Variants in SOX6 observed in about 807,000 individuals in gnomAD.
The protein encoded by SOX6 is SRY-box transcription factor 6.
SOX6 carries 11 observed loss-of-function variants against 97.8 expected under a neutral mutation model. The ratio of observed to expected loss-of-function variants is 0.11; its 90% CI spans 0.07 to 0.19. The LOEUF (loss-of-function observed/expected upper bound fraction) is 0.19. Ranked by LOEUF, SOX6 falls within the 10% of genes least tolerant of loss-of-function variation. The pLI is 1.00. For missense variants in SOX6, 810 were observed against 1,039.5 expected (o/e 0.78, Z 3.04); for synonymous variants, 360 against 371.4 (o/e 0.97, Z 0.35).
At chr11:16,342,331 T>C (rs1287544176) in intron 1 of SOX6, among the ~76,000 whole-genome samples, 1 of 151,982 alleles carries the variant, frequency 6.6e-6, no homozygotes, top group African/African-American at 2.4e-5. Flanking sequence ...TTACATTGTT[T>C]TTAGTTTATT....
chr11:16,067,348 T>G (rs1397413090), intron 9 of SOX6, among the ~76,000 whole-genome samples: 1 of 152,164 alleles, frequency 6.6e-6, no homozygotes, highest in East Asian at 1.9e-4. Flanking sequence ...TGAGAGGTAA[T>G]TGAAACATGG....
intron 13 of SOX6, among the ~76,000 whole-genome samples, chr11:16,011,048 T>G (rs1050617408): frequency 6.6e-6 from 1 of 152,028 alleles, no homozygotes; most frequent in Non-Finnish European, 1.5e-5. Context: ...GAACTTCAAC[T>G]CAAATCTCCC....
chr11:16,732,340 T>C (rs1848356628), intron 2 of SOX6, among the ~76,000 whole-genome samples: 1 of 152,164 alleles, frequency 6.6e-6, no homozygotes, highest in South Asian at 2.1e-4. Context: ...CAAACTAAGC[T>C]ACAAGGCTAC....
chr11:16,731,018 G>C (rs1848345351), intron 2 of SOX6, among the ~76,000 whole-genome samples: 1 of 152,024 alleles, frequency 6.6e-6, no homozygotes, highest in African/African-American at 2.4e-5. Flanking sequence ...TAAATTCCTG[G>C]ACAGCTACAT....
At chr11:16,594,938 C>A (rs1348688493) in intron 4 of SOX6, among the ~76,000 whole-genome samples, 1 of 151,942 alleles carries the variant, frequency 6.6e-6, no homozygotes, top group East Asian at 1.9e-4. Flanking sequence ...TGATCCGCCC[C>A]CCTCGGCCTC....
chr11:16,372,629 C>T (rs916828878), intron 1 of SOX6, among the ~76,000 whole-genome samples: 3 of 151,968 alleles, frequency 2.0e-5, no homozygotes, highest in South Asian at 2.1e-4. Flanking sequence ...ATACAGTTAA[C>T]GACTGGTCAC....
intron 3 of SOX6, among the ~76,000 whole-genome samples, chr11:16,667,436 C>A (rs1171785097): frequency 6.6e-6 from 1 of 150,544 alleles, no homozygotes; most frequent in Non-Finnish European, 1.5e-5. Context: ...CAACAAGAGA[C>A]AAGAAACAAG....
intron 2 of SOX6, among the ~76,000 whole-genome samples, chr11:16,725,028 T>C (rs537917826): frequency 4.6e-5 from 7 of 152,238 alleles, no homozygotes; most frequent in South Asian, 4.1e-4. Flanking sequence ...CCCACAAGAA[T>C]TGGAAACAAA....
chr11:16,144,389 A>G (rs969298505), intron 6 of SOX6, among the ~76,000 whole-genome samples: 1 of 152,246 alleles, frequency 6.6e-6, no homozygotes, highest in African/African-American at 2.4e-5. Flanking sequence ...AATGCCCACA[A>G]GAGAAAGCAG....
At chr11:16,235,955 T>A (rs1177319814) in intron 3 of SOX6, among the ~76,000 whole-genome samples, 59 of 152,060 alleles carry the variant, frequency 3.9e-4, no homozygotes. Context: ...TCCAGATCAG[T>A]GTGTTGTAAA....
At chr11:16,692,528 T>C (rs1848023717) in intron 3 of SOX6, among the ~76,000 whole-genome samples, 1 of 152,170 alleles carries the variant, frequency 6.6e-6, no homozygotes. Flanking sequence ...AGGTCCCATA[T>C]CCAAACTTAC....
intron 6 of SOX6, among the ~76,000 whole-genome samples, chr11:16,162,539 C>T (rs147903745): frequency 2.5e-3 from 379 of 152,230 alleles, no homozygotes; most frequent in Admixed American, 4.5e-3. Flanking sequence ...TGTGGCATCT[C>T]CCCCTCACAC....
chr11:16,684,236 T>A (rs1157289556), intron 3 of SOX6, among the ~76,000 whole-genome samples: 1 of 152,192 alleles, frequency 6.6e-6, no homozygotes, highest in African/African-American at 2.4e-5. Context: ...ACTGGGTATA[T>A]ACCCAAAGGA....
At chr11:16,494,145 G>A (rs1333940061) in intron 4 of SOX6, among the ~76,000 whole-genome samples, 1 of 152,156 alleles carries the variant, frequency 6.6e-6, no homozygotes, top group Admixed American at 6.5e-5. Context: ...GGAGGCCGAG[G>A]TGGGCAGATC....
Position 15,972,743 on chromosome 11 carries a change from T to C in SOX6, c.*66A>G. ...GAGCCACAAATGCATGCGGGCTCTTTAATAACTCTTTGTTGGGGAGGGGGG... is the reference window on the plus strand; with the variant it reads ...GAGCCACAAATGCATGCGGGCTCTTCAATAACTCTTTGTTGGGGAGGGGGG... On this transcript the variant is annotated 3_prime_UTR_variant, in exon 16 of 16. Coordinates refer to ENST00000683767, the MANE Select transcript of SOX6 (RefSeq NM_001367873.1). 1 of 1,566,066 alleles carries C rather than the reference T, an allele frequency of 6.4e-7. No individual in the cohort carries two copies. The highest frequency in any genetic ancestry group is 8.8e-7 in the Non-Finnish European group (1 of 1,137,488).
intron 6 of SOX6, among the ~76,000 whole-genome samples, chr11:16,134,127 A>G (rs927794134): frequency 6.6e-6 from 1 of 152,256 alleles, no homozygotes; most frequent in Non-Finnish European, 1.5e-5. Context: ...TTTAATTCTC[A>G]AAACATCTTC....
chr11:16,484,283 T>C (rs1190776412), intron 4 of SOX6: 6 of 1,115,028 alleles, frequency 5.4e-6, no homozygotes, highest in Admixed American at 1.7e-5. Context: ...GGGAACCACA[T>C]TGCCCGACTC....
chr11:16,059,147 C>G (rs1204476210), intron 9 of SOX6, among the ~76,000 whole-genome samples: 1 of 151,956 alleles, frequency 6.6e-6, no homozygotes, highest in Non-Finnish European at 1.5e-5. Flanking sequence ...AATTTTTTGT[C>G]TTCTCTTTCC....
intron 4 of SOX6, among the ~76,000 whole-genome samples, chr11:16,197,306 T>C (rs1434999226): frequency 2.0e-5 from 3 of 152,224 alleles, no homozygotes; most frequent in Non-Finnish European, 1.5e-5. Context: ...TGGGTGTGGC[T>C]GTTGCAACTA....
Sources: gnomAD v4.1 joint callset for allele counts (sites outside exome capture counted in the v4.1 genomes callset) on GRCh38, gnomAD v4.1.1 for gene constraint, MANE v1.5 for transcripts, NCBI Gene and HGNC (gene_info 2026-07-23, HGNC 2026-07-21) for gene names.